RBFOX3: variants seen among roughly 807,000 people sequenced by gnomAD.
The protein encoded by RBFOX3 is RNA binding fox-1 homolog 3, also known as RNA binding protein fox-1 homolog 3.
RBFOX3 carries 17 observed loss-of-function variants against 48.7 expected under a neutral mutation model. The observed-to-expected ratio is 0.35, with a 90% CI of 0.24 to 0.52. The LOEUF is 0.52. Ranked by LOEUF, RBFOX3 falls within the 20% of genes least tolerant of loss-of-function variation. The probability of loss-of-function intolerance (pLI) is 0.94; values close to 1 mark genes in which losing one functional copy is unlikely to be tolerated. For synonymous variants in RBFOX3, 212 were observed against 209.5 expected (o/e 1.01, Z -0.10); for missense variants, 382 against 497.5 (o/e 0.77, Z 2.21).
chr17:79,271,490 T>A (rs993736296), intron 3 of RBFOX3, among the ~76,000 whole-genome samples: 2 of 152,202 alleles, frequency 1.3e-5, no homozygotes, highest in African/African-American at 4.8e-5. Flanking sequence ...CATTAGCCGC[T>A]CTTTGCGCTG....
chr17:79,158,652 G>A (rs544973190), intron 4 of RBFOX3, among the ~76,000 whole-genome samples: 156 of 152,350 alleles, frequency 1.0e-3, no homozygotes, highest in African/African-American at 3.4e-3. Flanking sequence ...AGGCTGGCAA[G>A]GAAGGTGGCT....
chr17:79,166,604 G>A (rs1486636530), intron 4 of RBFOX3, among the ~76,000 whole-genome samples: 4 of 152,040 alleles, frequency 2.6e-5, no homozygotes, highest in Admixed American at 6.5e-5. Flanking sequence ...GAGATCCGGA[G>A]GAGGAGCCCA....
intron 2 of RBFOX3, among the ~76,000 whole-genome samples, chr17:79,344,306 T>A (rs2082541745): frequency 6.6e-6 from 1 of 152,162 alleles, no homozygotes; most frequent in African/African-American, 2.4e-5. Flanking sequence ...TGAGTTGGCA[T>A]AAATGAAAAA....
intron 2 of RBFOX3, among the ~76,000 whole-genome samples, chr17:79,374,129 C>T (rs1320284704): frequency 2.6e-5 from 4 of 152,210 alleles, no homozygotes; most frequent in East Asian, 1.9e-4. Flanking sequence ...TCCCAAAGTG[C>T]GGCGATTACA....
chr17:79,284,257 G>A (rs927299441), intron 3 of RBFOX3, among the ~76,000 whole-genome samples: 5 of 152,346 alleles, frequency 3.3e-5, no homozygotes, highest in African/African-American at 4.8e-5. Flanking sequence ...CCAATGCAGG[G>A]TTGCTGAAGA....
intron 4 of RBFOX3, among the ~76,000 whole-genome samples, chr17:79,147,556 G>C (rs562004752): frequency 2.0e-4 from 30 of 151,472 alleles, no homozygotes; most frequent in Admixed American, 1.3e-3. Flanking sequence ...TCATTGGGGA[G>C]GGGGGGGGCT....
chr17:79,383,513 C>A (rs1283452627), intron 2 of RBFOX3, among the ~76,000 whole-genome samples: 1 of 152,258 alleles, frequency 6.6e-6, no homozygotes, highest in East Asian at 1.9e-4. Context: ...TTAATTGCTG[C>A]TGATTAAATT....
At chr17:79,211,527 C>T (rs1379111639) in intron 4 of RBFOX3, among the ~76,000 whole-genome samples, 6 of 152,190 alleles carry the variant, frequency 3.9e-5, no homozygotes, top group South Asian at 4.1e-4. Flanking sequence ...TGGACGCTGG[C>T]GTGCAGTTAA....
chr17:79,498,503 A>G (rs1555775738), intron 1 of RBFOX3, among the ~76,000 whole-genome samples: 1 of 149,976 alleles, frequency 6.7e-6, no homozygotes, highest in Non-Finnish European at 1.5e-5. Flanking sequence ...CTACCCATCC[A>G]TCCACTCATC....
rs1383000611 is a variant in RBFOX3, at chr17:79,220,817, G to A, written c.-34+14949C>T. On this transcript the variant is annotated intron_variant, in intron 4 of 14. Transcript: ENST00000693108. The surrounding 1 kb of genome is among the most constrained non-coding windows in gnomAD (Gnocchi z 5.9). ...GAGCAGCAGGGAGGGAGGAGAAGCA[G>A]CTCCTGCAGAGGCGGGGCGGCTCTC... 2.6e-5 allele frequency among the ~76,000 whole-genome samples: 4 copies of A among 152,138 alleles called. No individual in the cohort carries two copies. The highest frequency in any genetic ancestry group is 7.2e-5 in the African/African-American group (3 of 41,432).
At chr17:79,324,763 C>T (rs1354136413) in intron 2 of RBFOX3, among the ~76,000 whole-genome samples, 4 of 152,306 alleles carry the variant, frequency 2.6e-5, no homozygotes, top group Non-Finnish European at 4.4e-5. Flanking sequence ...AACACCTGGC[C>T]GAGCAACCTG....
At chr17:79,623,888 A>G in the RBFOX3 span, among the ~76,000 whole-genome samples, 1 of 149,402 alleles carries the variant, frequency 6.7e-6, no homozygotes, top group Non-Finnish European at 1.5e-5. Context: ...GTGATGATGG[A>G]GGTGGGTCGG....
At chr17:79,410,992 C>A (rs990632062) in intron 2 of RBFOX3, among the ~76,000 whole-genome samples, 9 of 152,198 alleles carry the variant, frequency 5.9e-5, no homozygotes, top group African/African-American at 1.7e-4. Flanking sequence ...GAGACCTGGG[C>A]TGAGTGCAGA....
At chr17:79,559,805 G>A in intron 1 of RBFOX3, among the ~76,000 whole-genome samples, 1 of 148,616 alleles carries the variant, frequency 6.7e-6, no homozygotes, top group East Asian at 2.0e-4. Flanking sequence ...GTGGATGGAT[G>A]AACAGATGGG....
In RBFOX3 at chr17:79,121,212, C is replaced by T. The variant is rs181053689; in HGVS notation, c.-33-5464G>A. ...TCGTGCTCCCAGACATGACCAACCA[C>T]GTCACCTGTACACTAGAAACCAGCC... On this transcript the variant is annotated intron_variant, in intron 4 of 14. Transcript: ENST00000693108. Among the ~76,000 whole-genome samples, 143 of 152,242 alleles carry T rather than the reference C, an allele frequency of 9.4e-4. 1 individual carries two copies. The highest frequency in any genetic ancestry group is 2.5e-4 in the Non-Finnish European group (17 of 68,012).
chr17:79,555,742 ATAG>A (rs1383302289), intron 1 of RBFOX3, among the ~76,000 whole-genome samples: 10 of 150,722 alleles, frequency 6.6e-5, no homozygotes, highest in Admixed American at 4.6e-4. Context: ...GGTGATTATG[ATAG>A]TAGTGGTGGT....
In RBFOX3 at chr17:79,466,016, G is replaced by A. The variant is rs548538849; in HGVS notation, c.-175+16438C>T. Among the ~76,000 whole-genome samples, 10 of 152,310 alleles carry A rather than the reference G, an allele frequency of 6.6e-5. No individual in the cohort carries two copies. In the East Asian group the frequency reaches 7.7e-4, roughly 12 times the overall value. The stretch of plus-strand genomic sequence containing the variant: ...AGCTGGATCTCCCAGCCCAGAGGTC[G>A]TCTCCATATCCACATCCAAGGGCTG... On this transcript the variant is annotated intron_variant, in intron 2 of 14. Coordinates refer to ENST00000693108, the MANE Select transcript of RBFOX3 (RefSeq NM_001350451.2).
At chr17:79,312,286 G>GAA (rs10634324) in intron 2 of RBFOX3, among the ~76,000 whole-genome samples, 114,371 of 143,044 alleles carry the variant, frequency 0.8, 47,302 homozygotes, top group Non-Finnish European at 0.91. Context: ...AGCAGATTAA[G>GAA]AAAAAAAAAA....
At chr17:79,153,419 G>A (rs1362620424) in intron 4 of RBFOX3, among the ~76,000 whole-genome samples, 1 of 152,152 alleles carries the variant, frequency 6.6e-6, no homozygotes, top group Non-Finnish European at 1.5e-5. Context: ...CCCATTTTTG[G>A]GGCTGGTGGG....
Sources: allele counts gnomAD v4.1 joint callset (sites outside exome capture counted in the v4.1 genomes callset), GRCh38; gene constraint gnomAD v4.1.1; non-coding constraint Gnocchi (gnomAD v3.1); transcripts MANE v1.5; gene names NCBI Gene and HGNC (gene_info 2026-07-23, HGNC 2026-07-21).